Variants in VILL observed in about 807,000 individuals in gnomAD.
The protein encoded by VILL is villin like, also known as villin-like protein.
In VILL, 102 loss-of-function variants were observed where a neutral mutation model predicts 106.3. That is an observed-to-expected ratio of 0.96 (90% CI 0.82 to 1.13). VILL has a LOEUF of 1.13. Ranked by LOEUF, VILL falls within the 50% of genes most tolerant of loss-of-function variation. The probability of loss-of-function intolerance (pLI) is 0.00; values close to 1 mark genes in which losing one functional copy is unlikely to be tolerated. For missense variants in VILL, 1,076 were observed against 1,116.6 expected, an observed-to-expected ratio of 0.96 and a Z score of 0.52; for synonymous variants, 431 against 440.3, an observed-to-expected ratio of 0.98 and a Z score of 0.27.
At chr3:37,993,557 TC>T in intron 1 of VILL, 29 bp from the exon 2 acceptor site, 1 of 893,496 alleles carries the variant, frequency 1.1e-6, no homozygotes, top group Non-Finnish European at 1.7e-6. Context: ...TACAGAGCCC[TC>T]CTAATAAAAG....
At position 38,003,310 on chromosome 3, in the gene VILL, A is replaced by G; in HGVS notation, c.1802A>G (p.Lys601Arg). 2 of 1,607,634 alleles carry G rather than the reference A, an allele frequency of 1.2e-6. No individual in the cohort carries two copies. Residue 601 changes from lysine to arginine, a missense_variant, in exon 15 of 20, where the codon AAG (lysine) becomes AGG (arginine). By Grantham distance (26) the Lys-to-Arg change is conservative. Coordinates refer to ENST00000383759, the MANE Select transcript of VILL (RefSeq NM_015873.4). ...LGGRAPYPSN[K>R]RLPEEVPSFQ... ...GGCCGGGCCCCCTACCCCAGCAACA[A>G]GAGGTAACAGGGTTGGGAGGAGAGT...
At chr3:38,002,973 C>T in intron 14 of VILL, 195 bp from the exon 15 acceptor site, 1 of 701,640 alleles carries the variant, frequency 1.4e-6, no homozygotes, top group Non-Finnish European at 2.3e-6. Context: ...GGGTCCCAGA[C>T]CCTGCGATCC....
intron 1 of VILL, among the ~76,000 whole-genome samples, chr3:37,991,338 C>T (rs1249923460): frequency 8.5e-6 from 1 of 117,914 alleles, no homozygotes; most frequent in Non-Finnish European, 1.7e-5. Context: ...GGGAGTGCCC[C>T]GGGAAAGAGA....
Position 38,002,585 on chromosome 3 carries a change from G to C in VILL, c.1659+10G>C. 1 of 1,609,498 alleles carries C rather than the reference G, an allele frequency of 6.2e-7. No individual in the cohort carries two copies. Among genetic ancestry groups the C allele is most frequent in the Admixed American group, 1.7e-5 (1 of 59,704 alleles). On this transcript the variant is annotated intron_variant, in intron 14 of 19. Coordinates refer to ENST00000383759, the MANE Select transcript of VILL (RefSeq NM_015873.4). ...CCTCTGGTTTGGGAAGGTACCCACA[G>C]CACTGACCACTTGATTCATGCCCAG...
rs1351470463 is a variant in VILL, at chr3:37,994,252, G to T, written c.136-9G>T. 1.2e-6 allele frequency: 2 copies of T among 1,600,828 alleles called. No individual in the cohort carries two copies. The highest frequency in any genetic ancestry group is 1.7e-6 in the Non-Finnish European group (2 of 1,176,552). ...CCGCAACACATATACACAAACACCC[G>T]GACCCTAGGTCCCCCAGAGCCCGAA... On this transcript the variant is annotated splice_polypyrimidine_tract_variant and intron_variant, in intron 3 of 19. Transcript: ENST00000383759.
At chr3:38,005,702 C>T in intron 16 of VILL, 90 bp from the exon 17 acceptor site, 1 of 1,432,272 alleles carries the variant, frequency 7.0e-7, no homozygotes, top group Non-Finnish European at 9.4e-7. Context: ...GGGGTTCTGT[C>T]TGGGACAACT....
chr3:38,002,254 G>T (rs1220913733), intron 13 of VILL, 142 bp from the exon 14 acceptor site: 1 of 746,120 alleles, frequency 1.3e-6, no homozygotes, highest in African/African-American at 1.8e-5. Context: ...AGAGGGTCCT[G>T]TACTCCTCAT....
In VILL at chr3:37,997,666, G is replaced by A. The variant is rs193074347; in HGVS notation, c.745G>A (p.Ala249Thr). The A allele has an allele frequency of 6.0e-5, 82 of 1,374,504 alleles. No homozygotes were observed. The highest frequency in any genetic ancestry group is 7.8e-6 in the Non-Finnish European group (8 of 1,029,658). The allele number at this position is 1,374,504 out of a possible 1,614,324, so 85.1% of individuals were successfully genotyped here. The change falls in exon 7 of 20, where the codon GCC becomes ACC. Residue 249 changes from alanine to threonine, a missense_variant. Coordinates refer to ENST00000383759, the MANE Select transcript of VILL (RefSeq NM_015873.4). The surrounding 1 kb of genome is among the most constrained non-coding windows in gnomAD (Gnocchi z 4.7). The part of the protein sequence containing the change: ...PSKDINQLQK[A>T]NVRLYHVYEK... ...CAAGGATATCAACCAGCTGCAGAAG[G>A]CCAATGTTCGCCTGTACCAGTGAGT... is the stretch of plus-strand genomic sequence containing the variant.
chr3:38,006,300 C>T lies in VILL; in HGVS notation c.2205+48C>T, dbSNP rs780318517. The T allele has an allele frequency of 1.7e-5, 28 of 1,613,524 alleles. No homozygotes were observed. The East Asian group carries it at 5.6e-4, about 32-fold the overall frequency. ...TTCCCCACAGTGGCCTGGGCTCCGA[C>T]AGCATGGTCCTGATGGGCAGGGGAA... On this transcript the variant is annotated intron_variant, in intron 18 of 19. Transcript: ENST00000383759.
intron 14 of VILL, 123 bp downstream of exon 14, chr3:38,002,698 G>C: frequency 8.5e-7 from 1 of 1,180,160 alleles, no homozygotes; most frequent in Non-Finnish European, 1.2e-6. Flanking sequence ...GGGGGGAATG[G>C]GGAGGGGAAG....
At chr3:38,000,811 C>T in intron 11 of VILL, 1 of 450,472 alleles carries the variant, frequency 2.2e-6, no homozygotes, top group Admixed American at 2.4e-5. Context: ...TGGGAAAGGA[C>T]ACCCAGGCAT....
intron 19 of VILL, 68 bp from the exon 20 acceptor site, chr3:38,006,874 T>TGAG: frequency 6.5e-7 from 1 of 1,529,022 alleles, no homozygotes; most frequent in Non-Finnish European, 9.0e-7. Context: ...CTGACACTAC[T>TGAG]GAGTGGGGCA....
rs1253027688 is a variant in VILL at position 37,998,247 on chromosome 3, G to T, written c.844-19G>T. On this transcript the variant is annotated intron_variant, in intron 8 of 19. Transcript: ENST00000383759. The surrounding 1 kb of genome is among the most constrained non-coding windows in gnomAD (Gnocchi z 4.1). ...CCCAGTCTGGACCACCTACTGACCA[G>T]CCCCACCCTTGCTCCCAGGACTTCT... 1 of 1,614,026 alleles carries T rather than the reference G, an allele frequency of 6.2e-7. No individual in the cohort carries two copies. The highest frequency in any genetic ancestry group is 8.5e-7 in the Non-Finnish European group (1 of 1,179,896).
Position 37,999,381 on chromosome 3 carries a change from C to G in VILL, c.1124C>G (p.Thr375Ser). ...AAGCTGGACGTGGGCAAGCTGCACA[C>G]CCAGCCTAAGTTAGCGGCCCAGCTC... ...HVKLDVGKLH[T>S]QPKLAAQLRM... is the part of the protein sequence containing the mutation. Residue 375 changes from threonine (T) to serine (S), a missense_variant, in exon 11 of 20, where the codon ACC (threonine) becomes AGC (serine). Physicochemically the swap from Thr to Ser is moderately conservative, Grantham distance 58. Transcript: ENST00000383759. The G allele has an allele frequency of 6.6e-7, 1 of 1,509,862 alleles. No homozygotes were observed. The highest frequency in any genetic ancestry group is 1.3e-5 in the South Asian group (1 of 76,184). The allele number at this position is 1,509,862 out of a possible 1,614,324, so 93.5% of individuals were successfully genotyped here.
At chr3:37,993,753 GGAGA>G in intron 2 of VILL, 21 bp downstream of exon 2, 1 of 1,613,514 alleles carries the variant, frequency 6.2e-7, no homozygotes. Context: ...CGACCAAATA[GGAGA>G]GTTGGTGACA....
upstream of VILL, chr3:37,990,672 G>A (rs1159899725): frequency 3.3e-5 from 5 of 152,572 alleles, no homozygotes; most frequent in African/African-American, 1.2e-4. This position sits in a 1 kb window ranked among gnomAD's most constrained non-coding sequence, Gnocchi z 5.1. Flanking sequence ...TGAATGCCTA[G>A]CCCGCTGAGC....
In VILL at chr3:38,000,959, A is replaced by G; in HGVS notation, c.1183-497A>G. The G allele has an allele frequency of 6.6e-6, 3 of 457,292 alleles. No individual in the cohort carries two copies. In the Middle Eastern group the frequency reaches 9.8e-4, roughly 149 times the overall value. 28.3% of individuals were successfully genotyped at this position (457,292 alleles called of 1,614,324 possible). Reference sequence around the variant, plus strand: ...ATTTGACCAGAGTCCGCCTGGCTCCAGGCTCTGCCACCCACAGGAAGAAGA... The same window carrying G: ...ATTTGACCAGAGTCCGCCTGGCTCCGGGCTCTGCCACCCACAGGAAGAAGA... On this transcript the variant is annotated intron_variant, in intron 11 of 19. Coordinates refer to ENST00000383759, the MANE Select transcript of VILL (RefSeq NM_015873.4).
At chr3:38,004,091 C>A in intron 15 of VILL, 164 bp from the exon 16 acceptor site, 1 of 876,746 alleles carries the variant, frequency 1.1e-6, no homozygotes, top group African/African-American at 1.7e-5. Flanking sequence ...GACCCTGTAC[C>A]CAGAGCAGAG....
At chr3:37,999,090 C>CT (rs1194366791) in intron 10 of VILL, 40 bp downstream of exon 10, 2 of 82,616 alleles carry the variant, frequency 2.4e-5, no homozygotes, top group Non-Finnish European at 4.3e-5. Context: ...CGGGGCGGGA[C>CT]TGGCGGGGGC....
Sources: gnomAD v4.1 joint callset for allele counts (sites outside exome capture counted in the v4.1 genomes callset) on GRCh38, gnomAD v4.1.1 for gene constraint, Gnocchi (gnomAD v3.1) non-coding constraint, MANE v1.5 for transcripts, NCBI Gene and HGNC (gene_info 2026-07-23, HGNC 2026-07-21) for gene names.